DNAH2: variants seen among roughly 807,000 people sequenced by gnomAD.
The protein encoded by DNAH2 is dynein axonemal heavy chain 2.
A neutral mutation model predicts 523.5 loss-of-function variants in DNAH2; 323 were observed. The ratio of observed to expected loss-of-function variants is 0.62; its 90% confidence interval spans 0.56 to 0.68. DNAH2 has a LOEUF of 0.68. Ranked by LOEUF, DNAH2 falls within the 30% of genes least tolerant of loss-of-function variation. DNAH2 has a pLI of 0.00. For missense variants in DNAH2, 4,907 were observed against 5,701.5 expected, an observed-to-expected ratio of 0.86 and a Z score of 4.49; for synonymous variants, 2,093 against 2,177.4, an observed-to-expected ratio of 0.96 and a Z score of 1.08.
rs1460245929 is a variant in DNAH2 at position 7,796,575 on chromosome 17, T to C, written c.7786T>C (p.Tyr2596His). 1 of 1,613,498 alleles carries C rather than the reference T, an allele frequency of 6.2e-7. No homozygotes were observed. Among genetic ancestry groups the C allele is most frequent in the Admixed American group, 1.7e-5 (1 of 59,934 alleles). The change falls in exon 50 of 86, where the codon TAC becomes CAC. Residue 2596 changes from tyrosine to histidine, a missense_variant. Tyr to His is a moderately conservative substitution (Grantham distance 83). Coordinates refer to ENST00000572933, the MANE Select transcript of DNAH2 (RefSeq NM_020877.5). ...GGTGACAGAGGCCACCCTGGACATG[T>C]ACAACACCGTGGTACAGCGCTTCCT... is the stretch of plus-strand genomic sequence containing the variant. ...NVVTEATLDM[Y>H]NTVVQRFLPT...
chr17:7,781,020 G>T (rs1425694308), intron 38 of DNAH2, 22 bp from the exon 39 acceptor site: 1 of 1,613,700 alleles, frequency 6.2e-7, no homozygotes, highest in East Asian at 2.2e-5. Flanking sequence ...TCAAGCCTGA[G>T]TCTCTGTCTT....
intron 44 of DNAH2, among the ~76,000 whole-genome samples, chr17:7,788,805 A>T (rs1453448610): frequency 6.6e-6 from 1 of 152,236 alleles, no homozygotes; most frequent in African/African-American, 2.4e-5. Flanking sequence ...AACTATTAAT[A>T]TGTCATCAAC....
intron 61 of DNAH2, among the ~76,000 whole-genome samples, chr17:7,806,863 A>G (rs930245982): frequency 1.3e-5 from 2 of 151,946 alleles, no homozygotes; most frequent in Admixed American, 6.6e-5. Flanking sequence ...CCCTAGAAGA[A>G]AGTGCAAAGC....
intron 30 of DNAH2, 62 bp from the exon 31 acceptor site, chr17:7,775,962 T>C (rs1361593913): frequency 6.9e-6 from 11 of 1,597,786 alleles, no homozygotes; most frequent in Non-Finnish European, 9.4e-6. Context: ...GTGCCTTCCC[T>C]GTGGAGGACC....
At chr17:7,808,369 G>GAAA (rs1210962027) in intron 63 of DNAH2, among the ~76,000 whole-genome samples, 2 of 103,252 alleles carry the variant, frequency 1.9e-5, no homozygotes, top group South Asian at 3.0e-4. Flanking sequence ...GACTGTCTCA[G>GAAA]AAAAAAAAAA....
rs746935856 is a variant in DNAH2 at position 7,830,295 on chromosome 17, C to T, written c.11854-5C>T. 1.3e-5 allele frequency: 21 copies of T among 1,612,810 alleles called. No homozygotes were observed. The African/African-American group carries it at 2.7e-4, about 21-fold the overall frequency. On this transcript the variant is annotated splice_region_variant and splice_polypyrimidine_tract_variant and intron_variant, in intron 77 of 85. Coordinates refer to ENST00000572933, the MANE Select transcript of DNAH2 (RefSeq NM_020877.5). The stretch of plus-strand genomic sequence containing the variant: ...CACCCCATCTTTATATTTCATTGTC[C>T]CCAGGGCCTAAAGGCCAACATGACA...
intron 59 of DNAH2, 96 bp downstream of exon 59, chr17:7,804,562 G>A: frequency 7.2e-7 from 1 of 1,396,100 alleles, no homozygotes. Context: ...ATTTTCTTTA[G>A]TGACTGGGTG....
intron 18 of DNAH2, among the ~76,000 whole-genome samples, chr17:7,762,701 C>A (rs1210601070): frequency 6.6e-6 from 1 of 151,996 alleles, no homozygotes; most frequent in Non-Finnish European, 1.5e-5. Flanking sequence ...GAGGAAATAG[C>A]ATGAGCAAAG....
At chr17:7,808,639 T>G (rs1339981793) in intron 63 of DNAH2, among the ~76,000 whole-genome samples, 1 of 152,176 alleles carries the variant, frequency 6.6e-6, no homozygotes, top group Non-Finnish European at 1.5e-5. Context: ...AAGCAGCCGA[T>G]ATTACTGTCA....
intron 65 of DNAH2, 22 bp downstream of exon 65, chr17:7,817,437 A>G: frequency 6.2e-7 from 1 of 1,613,790 alleles, no homozygotes. Flanking sequence ...CTCAGGCATG[A>G]CAAGTAGGCT....
At chr17:7,761,053 C>G (rs1456461527) in intron 18 of DNAH2, 121 bp downstream of exon 18, 1 of 1,264,650 alleles carries the variant, frequency 7.9e-7, no homozygotes, top group Non-Finnish European at 1.1e-6. Flanking sequence ...TCCTCAATGA[C>G]AGGAAAAGAA....
Position 7,832,257 on chromosome 17 carries a change from C to G in DNAH2, c.12727-322C>G, listed in dbSNP as rs1352489493. On this transcript the variant is annotated intron_variant, in intron 82 of 85. Coordinates refer to ENST00000572933, the MANE Select transcript of DNAH2 (RefSeq NM_020877.5). The surrounding 1 kb of genome is among the most constrained non-coding windows in gnomAD (Gnocchi z 4.3). ...ACGCGGTGGCTCATGCCTGCAATCT[C>G]AGCACTTTGGGAGGCTGAGGCGGGC... Among the ~76,000 whole-genome samples, 1 of 152,128 alleles carries G rather than the reference C, an allele frequency of 6.6e-6. No individual in the cohort carries two copies. The highest frequency in any genetic ancestry group is 1.5e-5 in the Non-Finnish European group (1 of 68,032).
At chr17:7,813,449 G>A (rs2077575357) in intron 63 of DNAH2, among the ~76,000 whole-genome samples, 1 of 152,028 alleles carries the variant, frequency 6.6e-6, no homozygotes, top group South Asian at 2.1e-4. Flanking sequence ...AAACACAAAT[G>A]TGTATCCGTA....
chr17:7,831,524 A>T lies in DNAH2; in HGVS notation c.12594A>T (p.Thr4198=), dbSNP rs1255612836. Residue 4198 remains threonine (T), a synonymous_variant, in exon 81 of 86, where the codon ACA becomes ACT. Transcript: ENST00000572933. The surrounding 1 kb of genome is among the most constrained non-coding windows in gnomAD (Gnocchi z 4.2). Reference sequence around the variant, plus strand: ...TGCAGGAGATCCAGAGATACAACACACTGATGCAGACCATCCTGTAAGACA... The same window carrying T: ...TGCAGGAGATCCAGAGATACAACACTCTGATGCAGACCATCCTGTAAGACA... The part of the protein sequence containing the change: ...VLLQEIQRYN[T]LMQTILFSLT... 6.2e-7 allele frequency: 1 copy of T among 1,614,006 alleles called. No individual in the cohort carries two copies. Among genetic ancestry groups the T allele is most frequent in the Non-Finnish European group, 8.5e-7 (1 of 1,180,010 alleles).
chr17:7,824,049 G>T, intron 75 of DNAH2, 67 bp downstream of exon 75: 2 of 1,584,022 alleles, frequency 1.3e-6, no homozygotes, highest in Non-Finnish European at 1.7e-6. Context: ...CTCTGTTTCA[G>T]TCTCCTTCAT....
chr17:7,830,544 C>T, intron 78 of DNAH2, 53 bp downstream of exon 78: 1 of 1,605,720 alleles, frequency 6.2e-7, no homozygotes, highest in Non-Finnish European at 8.5e-7. Context: ...ACACGTCCTA[C>T]CCCATGGCTC....
chr17:7,744,942 A>C (rs2075471672), intron 12 of DNAH2, among the ~76,000 whole-genome samples: 1 of 151,820 alleles, frequency 6.6e-6, no homozygotes, highest in Admixed American at 6.6e-5. Flanking sequence ...GAAATAAGGG[A>C]TTGTATTCAA....
intron 67 of DNAH2, 38 bp downstream of exon 67, chr17:7,817,894 T>A (rs1184085306): frequency 1.2e-6 from 2 of 1,613,834 alleles, no homozygotes; most frequent in Non-Finnish European, 1.7e-6. Context: ...CCCCCCTTCC[T>A]GAGGCCCCAC....
intron 28 of DNAH2, among the ~76,000 whole-genome samples, chr17:7,774,292 C>T (rs2076392738): frequency 1.3e-5 from 2 of 152,078 alleles, no homozygotes; most frequent in Non-Finnish European, 2.9e-5. Context: ...GGAACCTCCG[C>T]AGCATGGAGA....
Sources: gnomAD v4.1 joint callset for allele counts (sites outside exome capture counted in the v4.1 genomes callset) on GRCh38, gnomAD v4.1.1 for gene constraint, Gnocchi (gnomAD v3.1) non-coding constraint, MANE v1.5 for transcripts, NCBI Gene and HGNC (gene_info 2026-07-23, HGNC 2026-07-21) for gene names.